HAP1: variants seen among roughly 807,000 people sequenced by gnomAD.
HAP1 encodes huntingtin associated protein 1, also known as huntingtin-associated protein 1.
In HAP1, 59 loss-of-function variants were observed where a neutral mutation model predicts 60.3. The observed-to-expected ratio is 0.98, with a 90% CI of 0.79 to 1.22. The LOEUF (loss-of-function observed/expected upper bound fraction) is 1.22. Among genes scored for constraint, HAP1 ranks in the 50% most tolerant of loss-of-function variants. The probability of loss-of-function intolerance (pLI) is 0.00; values close to 1 mark genes in which losing one functional copy is unlikely to be tolerated. For missense variants in HAP1, 825 were observed against 785.3 expected, an observed-to-expected ratio of 1.05 and a Z score of -0.60; for synonymous variants, 346 against 330.6, an observed-to-expected ratio of 1.05 and a Z score of -0.50.
downstream of HAP1, among the ~76,000 whole-genome samples, chr17:41,719,694 A>G (rs74876627): frequency 2.0e-4 from 1 of 5,028 alleles, no homozygotes. Context: ...CTCTGTCTCA[A>G]AAAAAAAAAA....
intron 6 of HAP1, among the ~76,000 whole-genome samples, chr17:41,728,619 T>A (rs1416349888): frequency 6.6e-6 from 1 of 151,924 alleles, no homozygotes; most frequent in Non-Finnish European, 1.5e-5. Flanking sequence ...GATGGGCAAA[T>A]GTCAAGGGTG....
At chr17:41,719,949 G>A (rs2143158604), downstream of HAP1, among the ~76,000 whole-genome samples, 1 of 145,928 alleles carries the variant, frequency 6.9e-6, no homozygotes, top group East Asian at 2.1e-4. Flanking sequence ...GAGTGCAGTG[G>A]CACGATCTTG....
At chr17:41,725,241 T>A in intron 10 of HAP1, 87 bp from the exon 11 acceptor site, 1 of 1,044,904 alleles carries the variant, frequency 9.6e-7, no homozygotes, top group Non-Finnish European at 1.4e-6. Flanking sequence ...CAGATCCTGA[T>A]GGTTCCTCCT....
At chr17:41,725,180 T>C in intron 10 of HAP1, 26 bp from the exon 11 acceptor site, 2 of 1,541,822 alleles carry the variant, frequency 1.3e-6, no homozygotes, top group Non-Finnish European at 1.8e-6. Context: ...CGACATCTTT[T>C]GAGGGGCTGG....
chr17:41,719,890 C>CT (rs33939681), downstream of HAP1, among the ~76,000 whole-genome samples: 46,540 of 128,678 alleles, frequency 0.36, 9,353 homozygotes, highest in Middle Eastern at 0.43. Flanking sequence ...AGATATTTAA[C>CT]TTTTTTTTTT....
intron 8 of HAP1, 120 bp from the exon 9 acceptor site, chr17:41,727,264 G>C (rs782737516): frequency 2.5e-6 from 2 of 786,824 alleles, no homozygotes; most frequent in Non-Finnish European, 4.7e-6. Context: ...AGGCACAGAC[G>C]TAGGAAAGTG....
In HAP1 at chr17:41,734,391, G is replaced by A; in HGVS notation, c.244C>T (p.Arg82Cys). Residue 82 changes from arginine to cysteine, a missense_variant, in exon 1 of 11, where the codon CGC becomes TGC. Physicochemically the swap from Arg to Cys is radical, Grantham distance 180. Coordinates refer to ENST00000347901, the MANE Select transcript of HAP1 (RefSeq NM_177977.3). ...TGGATGGCCGAGAATGCGGACGGGC[G>A]CCGGGCTCCTGCCTTGGCTCCAGCC... ...SEAGAKAGAR[R>C]PSAFSAIQGD... is the part of the protein sequence containing the mutation. 4 of 1,605,318 alleles carry A rather than the reference G, an allele frequency of 2.5e-6. No individual in the cohort carries two copies. Among genetic ancestry groups the A allele is most frequent in the Non-Finnish European group, 3.4e-6 (4 of 1,173,858 alleles).
At chr17:41,718,155 T>C, downstream of HAP1, 2 of 361,772 alleles carry the variant, frequency 5.5e-6, no homozygotes, top group Non-Finnish European at 1.2e-5. Context: ...GCTCACACTG[T>C]CTACGGCCAT....
rs782243756 is a variant in HAP1, at chr17:41,734,237, GCTGGCGT to G, written c.391_397del (p.Thr131ProfsTer44). 10 of 1,601,436 alleles carry G rather than the reference GCTGGCGT, an allele frequency of 6.2e-6. No individual in the cohort carries two copies. In the South Asian group the frequency reaches 1.1e-4, roughly 18 times the overall value. ...CCCGGGTCGCCGGCCAACGTAGGCG[GCTGGCGT>G]CTTCCAGATGCCCGCTGCCTTTCCA... On this transcript the variant is annotated frameshift_variant, in exon 1 of 11. Transcript: ENST00000347901. LOFTEE classifies it high-confidence loss of function.
At chr17:41,734,110 C>T in intron 1 of HAP1, 56 bp downstream of exon 1, 5 of 1,419,728 alleles carry the variant, frequency 3.5e-6, no homozygotes, top group Non-Finnish European at 4.8e-6. Context: ...GGGCCACTTC[C>T]TCCCTGGAGT....
chr17:41,724,590 G>T lies in HAP1; in HGVS notation c.*111C>A. The T allele has an allele frequency of 1.3e-6, 1 of 749,990 alleles. No homozygotes were observed. Among genetic ancestry groups the T allele is most frequent in the Non-Finnish European group, 2.2e-6 (1 of 446,824 alleles). 46.5% of individuals were successfully genotyped at this position (749,990 alleles called of 1,614,324 possible). The stretch of plus-strand genomic sequence containing the variant: ...ACTGACACTACGGTTCCCACTGAAG[G>T]GGATCAGAGGTGTCTATGCAAATGA... On this transcript the variant is annotated 3_prime_UTR_variant, in exon 11 of 11. Coordinates refer to ENST00000347901, the MANE Select transcript of HAP1 (RefSeq NM_177977.3).
chr17:41,733,197 G>A (rs1216955620), intron 1 of HAP1, among the ~76,000 whole-genome samples: 2 of 150,556 alleles, frequency 1.3e-5, no homozygotes, highest in Non-Finnish European at 3.0e-5. Flanking sequence ...GGTTATACAC[G>A]CCCGCCACCA....
In HAP1 at chr17:41,734,628, G is replaced by C. The variant is rs535921386; in HGVS notation, c.7C>G (p.Pro3Ala). 2 of 1,511,780 alleles carry C rather than the reference G, an allele frequency of 1.3e-6. No homozygotes were observed. Among genetic ancestry groups the C allele is most frequent in the Non-Finnish European group, 1.8e-6 (2 of 1,131,968 alleles). 93.6% of individuals were successfully genotyped at this position (1,511,780 alleles called of 1,614,324 possible). The change falls in exon 1 of 11, where the codon CCG becomes GCG. Residue 3 changes from proline to alanine, a missense_variant. Pro to Ala is a conservative substitution (Grantham distance 27). Transcript: ENST00000347901. ...GCGCAGCACCGGCCCAACCTCTTCGGGCGCATCTCGAGTCTGCCGTCCGCT... is the reference window on the plus strand; with the variant it reads ...GCGCAGCACCGGCCCAACCTCTTCGCGCGCATCTCGAGTCTGCCGTCCGCT... Reference protein sequence around the residue: MRPKRLGRCCAGS... With the variant: MRAKRLGRCCAGS...
chr17:41,725,392 G>A (rs1483713202), intron 10 of HAP1, among the ~76,000 whole-genome samples: 1 of 152,140 alleles, frequency 6.6e-6, no homozygotes, highest in Non-Finnish European at 1.5e-5. Context: ...CCCTGACCCT[G>A]CACGGAATAC....
intron 9 of HAP1, among the ~76,000 whole-genome samples, chr17:41,726,314 TGAG>T (rs1911619246): frequency 1.3e-5 from 2 of 150,670 alleles, no homozygotes; most frequent in South Asian, 4.2e-4. Context: ...CTCAGGAGGC[TGAG>T]GTAGGAGAAT....
At position 41,725,171 on chromosome 17, in the gene HAP1, G is replaced by T; in HGVS notation, c.1407-17C>A. 6.5e-7 allele frequency: 1 copy of T among 1,550,350 alleles called. No homozygotes were observed. On this transcript the variant is annotated splice_polypyrimidine_tract_variant and intron_variant, in intron 10 of 10. Transcript: ENST00000347901. ...AAATCATACCTGGGCGGGAGATAGC[G>T]ACATCTTTTGAGGGGCTGGAAAGTC...
Position 41,734,304 on chromosome 17 carries a change from C to T in HAP1, c.331G>A (p.Gly111Arg). ...DAPWTRFVFQGPFGSRATGRG... is the reference protein window; with the variant it reads ...DAPWTRFVFQRPFGSRATGRG... The stretch of plus-strand genomic sequence containing the variant: ...CCAGTGGCCCGGGAACCAAACGGCC[C>T]TTGGAATACGAAGCGGGTCCACGGC... The change falls in exon 1 of 11, where the codon GGG becomes AGG. Residue 111 changes from glycine to arginine, a missense_variant. Gly to Arg is a moderately radical substitution (Grantham distance 125). Transcript: ENST00000347901. 6.2e-7 allele frequency: 1 copy of T among 1,609,142 alleles called. No homozygotes were observed. Among genetic ancestry groups the T allele is most frequent in the South Asian group, 1.1e-5 (1 of 90,692 alleles).
chr17:41,727,813 C>G lies in HAP1; in HGVS notation c.1224G>C (p.Leu408Phe), dbSNP rs35612698. The change falls in exon 8 of 11, where the codon TTG becomes TTC. Residue 408 changes from leucine to phenylalanine, a missense_variant. Transcript: ENST00000347901. ...CRMYGAETEKLQKQLASEKEI... is the reference protein window; with the variant it reads ...CRMYGAETEKFQKQLASEKEI... ...CCTTCTCCGAAGCCAGCTGCTTCTGCAACTTTTCAGTCTCAGCCCCATACT... is the reference window on the plus strand; with the variant it reads ...CCTTCTCCGAAGCCAGCTGCTTCTGGAACTTTTCAGTCTCAGCCCCATACT... The G allele has an allele frequency of 9.3e-6, 15 of 1,609,820 alleles. No homozygotes were observed. Among genetic ancestry groups the G allele is most frequent in the East Asian group, 8.9e-5 (4 of 44,858 alleles).
At position 41,724,414 on chromosome 17, in the gene HAP1, G is replaced by A. The variant is rs1354261579; in HGVS notation, c.*287C>T. On this transcript the variant is annotated 3_prime_UTR_variant, in exon 11 of 11. Coordinates refer to ENST00000347901, the MANE Select transcript of HAP1 (RefSeq NM_177977.3). Reference sequence around the variant, plus strand: ...TTGGAGAGCCTGGGGGATAGAGGAGGCAGGGGTTGGGGGCAGGGGAAGCAA... The same window carrying A: ...TTGGAGAGCCTGGGGGATAGAGGAGACAGGGGTTGGGGGCAGGGGAAGCAA... The A allele has an allele frequency of 5.9e-6, 2 of 340,280 alleles. No individual in the cohort carries two copies. The highest frequency in any genetic ancestry group is 5.3e-5 in the East Asian group (1 of 18,744). The allele number at this position is 340,280 out of a possible 1,614,324, so 21.1% of individuals were successfully genotyped here.
Sources: gnomAD v4.1 joint callset for allele counts (sites outside exome capture counted in the v4.1 genomes callset) on GRCh38, gnomAD v4.1.1 for gene constraint, MANE v1.5 for transcripts, NCBI Gene and HGNC (gene_info 2026-07-23, HGNC 2026-07-21) for gene names.